The following DGKB variants were observed in gnomAD, a reference collection of about 807,000 sequenced individuals.
The protein encoded by DGKB is 90 kDa diacylglycerol kinase.
DGKB carries 67 observed loss-of-function variants against 114.3 expected under a neutral mutation model. The observed-to-expected ratio is 0.59, with a 90% confidence interval of 0.48 to 0.72. The LOEUF (loss-of-function observed/expected upper bound fraction) is 0.72, where lower values mean the gene tolerates loss of function less well. Ranked by LOEUF, DGKB falls within the 30% of genes least tolerant of loss-of-function variation. The pLI, the probability that DGKB is intolerant of heterozygous loss-of-function variation, is 0.00. For synonymous variants in DGKB, 398 were observed against 323.1 expected, an observed-to-expected ratio of 1.23 and a Z score of -2.49; for missense variants, 907 against 975.2, an observed-to-expected ratio of 0.93 and a Z score of 0.93.
At chr7:14,436,509 G>T (rs1210236848) in intron 21 of DGKB, among the ~76,000 whole-genome samples, 1 of 151,958 alleles carries the variant, frequency 6.6e-6, no homozygotes, top group East Asian at 1.9e-4. Context: ...CATTTATTTT[G>T]GTATGCTGTC....
chr7:14,392,702 C>T (rs1437944427), intron 21 of DGKB, among the ~76,000 whole-genome samples: 1 of 152,020 alleles, frequency 6.6e-6, no homozygotes, highest in Admixed American at 6.6e-5. Context: ...GAGTAGTTGA[C>T]AACAAAAGAG....
At chr7:14,967,383 C>G (rs1009530764) in intron 1 of DGKB, among the ~76,000 whole-genome samples, 9 of 151,912 alleles carry the variant, frequency 5.9e-5, no homozygotes, top group African/African-American at 2.2e-4. Context: ...CACAATGGCA[C>G]TATCTCAGCT....
At chr7:14,959,662 T>A (rs993352674) in intron 1 of DGKB, among the ~76,000 whole-genome samples, 1 of 151,860 alleles carries the variant, frequency 6.6e-6, no homozygotes, top group African/African-American at 2.4e-5. Flanking sequence ...TCAGTAAATT[T>A]AAGAATTTCA....
intron 21 of DGKB, among the ~76,000 whole-genome samples, chr7:14,426,016 T>C (rs1409899456): frequency 6.6e-6 from 1 of 152,166 alleles, no homozygotes; most frequent in African/African-American, 2.4e-5. Flanking sequence ...TTTTATCTAA[T>C]TAACCTGAAA....
chr7:14,648,297 T>G (rs1235992774), intron 13 of DGKB, among the ~76,000 whole-genome samples: 1 of 152,174 alleles, frequency 6.6e-6, no homozygotes. Flanking sequence ...GCTGGAGATC[T>G]GAGAACGGGC....
At chr7:14,323,338 A>G (rs1808151122) in intron 23 of DGKB, among the ~76,000 whole-genome samples, 1 of 152,108 alleles carries the variant, frequency 6.6e-6, no homozygotes, top group South Asian at 2.1e-4. Context: ...GATCAGAGAG[A>G]GTGGTTACAT....
chr7:14,460,264 TA>T (rs1832879996), intron 21 of DGKB, among the ~76,000 whole-genome samples: 1 of 152,024 alleles, frequency 6.6e-6, no homozygotes, highest in South Asian at 2.1e-4. Flanking sequence ...ACCTTAAATG[TA>T]AATGGGGGAA....
At chr7:14,923,853 G>A (rs557033951) in intron 1 of DGKB, among the ~76,000 whole-genome samples, 4 of 151,906 alleles carry the variant, frequency 2.6e-5, no homozygotes, top group South Asian at 4.2e-4. Flanking sequence ...AAATTAGCCG[G>A]GTGTGGTGGT....
chr7:14,829,022 A>G (rs980304932), intron 2 of DGKB, among the ~76,000 whole-genome samples: 1 of 152,040 alleles, frequency 6.6e-6, no homozygotes, highest in Non-Finnish European at 1.5e-5. Context: ...AAAAAAATAG[A>G]AATGGTTCAC....
At chr7:14,920,647 A>G (rs955824364) in intron 1 of DGKB, among the ~76,000 whole-genome samples, 1 of 152,198 alleles carries the variant, frequency 6.6e-6, no homozygotes, top group South Asian at 2.1e-4. Flanking sequence ...ACTCCTAAGT[A>G]TATACCCAAC....
At chr7:14,898,036 T>C (rs747908611) in intron 1 of DGKB, among the ~76,000 whole-genome samples, 2 of 152,004 alleles carry the variant, frequency 1.3e-5, no homozygotes, top group Non-Finnish European at 2.9e-5. Flanking sequence ...CAATTCTCTG[T>C]GGCATATTCA....
At chr7:14,442,573 A>G (rs1384691597) in intron 21 of DGKB, among the ~76,000 whole-genome samples, 6 of 152,124 alleles carry the variant, frequency 3.9e-5, no homozygotes, top group Non-Finnish European at 7.4e-5. Flanking sequence ...TTTGGTCATT[A>G]ATTTTTTGGT....
intron 23 of DGKB, among the ~76,000 whole-genome samples, chr7:14,260,812 C>T (rs1212078094): frequency 6.6e-6 from 1 of 151,990 alleles, no homozygotes; most frequent in Non-Finnish European, 1.5e-5. Context: ...ACATTTATAT[C>T]AGGTAAGGTT....
At chr7:14,184,809 G>A (rs1783156113) in intron 23 of DGKB, among the ~76,000 whole-genome samples, 1 of 152,062 alleles carries the variant, frequency 6.6e-6, no homozygotes, top group African/African-American at 2.4e-5. Context: ...AAAAAGCATT[G>A]GATTAAATCC....
At chr7:14,250,586 C>A (rs942109820) in intron 23 of DGKB, among the ~76,000 whole-genome samples, 2 of 152,030 alleles carry the variant, frequency 1.3e-5, no homozygotes, top group Admixed American at 1.3e-4. Context: ...GGAGAATATT[C>A]TGTGTGCCCT....
intron 23 of DGKB, among the ~76,000 whole-genome samples, chr7:14,236,258 C>T (rs553896536): frequency 2.0e-5 from 3 of 151,742 alleles, no homozygotes; most frequent in African/African-American, 7.2e-5. Flanking sequence ...AAACTCCCAA[C>T]ATGAAAGACA....
intron 12 of DGKB, among the ~76,000 whole-genome samples, chr7:14,673,803 T>A (rs1476577480): frequency 1.3e-5 from 2 of 152,114 alleles, no homozygotes; most frequent in African/African-American, 4.8e-5. Flanking sequence ...AAATAATACT[T>A]GCTTGAGGGC....
chr7:14,704,107 C>T (rs1585810031), intron 6 of DGKB, among the ~76,000 whole-genome samples: 1 of 151,916 alleles, frequency 6.6e-6, no homozygotes, highest in African/African-American at 2.4e-5. Context: ...ACTTCTACAT[C>T]TTTTCTTTTG....
At chr7:14,834,545 C>G (rs935699509) in intron 2 of DGKB, among the ~76,000 whole-genome samples, 4 of 152,166 alleles carry the variant, frequency 2.6e-5, no homozygotes, top group African/African-American at 9.7e-5. Flanking sequence ...CTCTCTCTCT[C>G]TCTTTCTCTC....
Sources: gnomAD v4.1 joint callset for allele counts (sites outside exome capture counted in the v4.1 genomes callset) on GRCh38, gnomAD v4.1.1 for gene constraint, MANE v1.5 for transcripts, NCBI Gene and HGNC (gene_info 2026-07-23, HGNC 2026-07-21) for gene names.